The following GCDH variants were observed in gnomAD, a reference collection of about 807,000 sequenced individuals.
GCDH encodes glutaryl-CoA dehydrogenase.
In GCDH, 31 loss-of-function variants were observed where a neutral mutation model predicts 52.8. That is an observed-to-expected ratio of 0.59 (90% confidence interval 0.44 to 0.79). GCDH has a LOEUF of 0.79. Ranked by LOEUF, GCDH falls within the 30% of genes least tolerant of loss-of-function variation. The pLI is 0.00. For missense variants in GCDH, 509 were observed against 595.0 expected (o/e 0.86, Z 1.50); for synonymous variants, 242 against 250.0 (o/e 0.97, Z 0.30).
rs1970686197 is a variant in GCDH at position 12,896,553 on chromosome 19, A to G, written c.852+132A>G. 1.3e-6 allele frequency: 1 copy of G among 783,268 alleles called. No individual in the cohort carries two copies. The highest frequency in any genetic ancestry group is 2.7e-5 in the East Asian group (1 of 37,364). 48.5% of individuals were successfully genotyped at this position (783,268 alleles called of 1,614,324 possible). ...ACAGTGGTGATTCTTACTCAGCCGGACTCGCTGACGTGCTGAAAACTGCCC... is the reference window on the plus strand; with the variant it reads ...ACAGTGGTGATTCTTACTCAGCCGGGCTCGCTGACGTGCTGAAAACTGCCC... On this transcript the variant is annotated intron_variant, in intron 8 of 11. Coordinates refer to ENST00000222214, the MANE Select transcript of GCDH (RefSeq NM_000159.4). The surrounding 1 kb of genome is among the most constrained non-coding windows in gnomAD (Gnocchi z 5.5).
chr19:12,897,948 T>A, intron 11 of GCDH, 85 bp downstream of exon 11: 1 of 1,144,566 alleles, frequency 8.7e-7, no homozygotes, highest in Non-Finnish European at 1.3e-6. Flanking sequence ...CAGGTCTGAG[T>A]CCAACTCCAC....
At chr19:12,898,175 C>T (rs1173547787) in intron 11 of GCDH, 11 of 423,260 alleles carry the variant, frequency 2.6e-5, no homozygotes, top group South Asian at 6.4e-5. Flanking sequence ...GGGTGAGGCC[C>T]GACTCCTAGC....
At position 12,891,200 on chromosome 19, in the gene GCDH, C is replaced by G. The variant is rs984889421; in HGVS notation, c.-37C>G. The G allele has an allele frequency of 1.2e-5, 10 of 838,998 alleles. No individual in the cohort carries two copies. Among genetic ancestry groups the G allele is most frequent in the Non-Finnish European group, 2.0e-5 (10 of 508,942 alleles). The allele number at this position is 838,998 out of a possible 1,614,324, so 52.0% of individuals were successfully genotyped here. A position where few individuals can be genotyped will look rare whatever the true frequency, so the allele number is the denominator to read the frequency against. On this transcript the variant is annotated splice_region_variant and 5_prime_UTR_variant, in exon 1 of 12. Coordinates refer to ENST00000222214, the MANE Select transcript of GCDH (RefSeq NM_000159.4). ...TCGGCAGTGAACCGGGAGGTACTAC[C>G]AGGTAAGGAAGGTGCGGTAGCCCCA...
intron 9 of GCDH, 110 bp downstream of exon 9, chr19:12,897,123 C>A: frequency 8.4e-7 from 1 of 1,193,714 alleles, no homozygotes; most frequent in Non-Finnish European, 1.2e-6. Flanking sequence ...GAGTTCCTTG[C>A]TCTGGAATGA....
chr19:12,899,208 CT>C (rs1970771639), intron 11 of GCDH: 6 of 805,836 alleles, frequency 7.4e-6, no homozygotes, highest in Non-Finnish European at 1.2e-5. Flanking sequence ...GCACAAGGAG[CT>C]TTGGGTTTTT....
intron 5 of GCDH, among the ~76,000 whole-genome samples, chr19:12,892,961 C>G (rs1970594380): frequency 1.3e-5 from 2 of 151,300 alleles, no homozygotes; most frequent in South Asian, 4.2e-4. Flanking sequence ...TCCTGGCTCA[C>G]TGCAGTTTCC....
At position 12,896,496 on chromosome 19, in the gene GCDH, G is replaced by A; in HGVS notation, c.852+75G>A. ...GCTTTGTCAGGCAGGCTCCGTGCTG[G>A]GGACGCGGCTCCCTGTGCCTGTGGA... On this transcript the variant is annotated intron_variant, in intron 8 of 11. Transcript: ENST00000222214. This position sits in a 1 kb window ranked among gnomAD's most constrained non-coding sequence, Gnocchi z 5.5. The A allele has an allele frequency of 9.0e-7, 1 of 1,113,734 alleles. No individual in the cohort carries two copies. Among genetic ancestry groups the A allele is most frequent in the Middle Eastern group, 2.8e-4 (1 of 3,572 alleles). The allele number at this position is 1,113,734 out of a possible 1,614,324, so 69.0% of individuals were successfully genotyped here. A position where few individuals can be genotyped will look rare whatever the true frequency, so the allele number is the denominator to read the frequency against.
Position 12,891,835 on chromosome 19 carries a change from G to C in GCDH, c.132G>C (p.Ser44=). Reference sequence around the variant, plus strand: ...GAGGCGAATTCCCCTTCCCAGCCTCGCGTCCCGAGTTTGACTGGCAGGACC... The same window carrying C: ...GAGGCGAATTCCCCTTCCCAGCCTCCCGTCCCGAGTTTGACTGGCAGGACC... The part of the protein sequence containing the change: ...GRTQSQLAKS[S]RPEFDWQDPL... The change falls in exon 4 of 12, where the codon TCG becomes TCC. Residue 44 remains serine, a synonymous_variant. Transcript: ENST00000222214. 6.2e-7 allele frequency: 1 copy of C among 1,613,962 alleles called. No individual in the cohort carries two copies. The highest frequency in any genetic ancestry group is 1.1e-5 in the South Asian group (1 of 91,068).
chr19:12,891,761 C>G (rs754542775), intron 3 of GCDH, 70 bp from the exon 4 acceptor site: 18 of 1,609,978 alleles, frequency 1.1e-5, no homozygotes, highest in Non-Finnish European at 1.4e-5. Context: ...GGGGGTAGGG[C>G]TGATGAGGGT....
intron 3 of GCDH, 94 bp downstream of exon 3, chr19:12,891,616 G>T (rs749991534): frequency 1.9e-6 from 3 of 1,611,792 alleles, no homozygotes; most frequent in South Asian, 1.1e-5. Context: ...AGAGCTGCCC[G>T]AGCGGGGTGG....
At chr19:12,894,870 G>T in intron 6 of GCDH, 2 of 408,922 alleles carry the variant, frequency 4.9e-6, no homozygotes, top group South Asian at 4.2e-5. Flanking sequence ...TCTGAATCCA[G>T]TCAGAAATAA....
chr19:12,892,299 C>G, intron 5 of GCDH, 121 bp downstream of exon 5: 1 of 926,124 alleles, frequency 1.1e-6, no homozygotes, highest in Non-Finnish European at 1.7e-6. Flanking sequence ...TCTTTCCTTT[C>G]TTCTTCCCCC....
At chr19:12,895,161 C>T (rs1416549814) in intron 6 of GCDH, among the ~76,000 whole-genome samples, 1 of 152,204 alleles carries the variant, frequency 6.6e-6, no homozygotes, top group Non-Finnish European at 1.5e-5. Flanking sequence ...GTCCCCCTCC[C>T]CATCTTGGCA....
Position 12,897,003 on chromosome 19 carries a change from G to A in GCDH, c.946G>A (p.Ala316Thr), listed in dbSNP as rs370059118. 221 of 1,610,846 alleles carry A rather than the reference G, an allele frequency of 1.4e-4. No homozygotes were observed. Among genetic ancestry groups the A allele is most frequent in the Non-Finnish European group, 1.7e-4 (204 of 1,178,664 alleles). ...CTGCTTGCACACAGCCCGGCAGTAC[G>A]CCCTCGACAGGTGTGTGAGGGCTGC... ...EFCLHTARQY[A>T]LDRMQFGVPL... The change falls in exon 9 of 12, where the codon GCC (alanine) becomes ACC (threonine). Residue 316 changes from alanine to threonine, a missense_variant. Ala to Thr is a moderately conservative substitution (Grantham distance 58). Transcript: ENST00000222214.
rs929794726 is a variant in GCDH at position 12,899,727 on chromosome 19, G to A, written c.*186G>A. On this transcript the variant is annotated 3_prime_UTR_variant, in exon 12 of 12. Coordinates refer to ENST00000222214, the MANE Select transcript of GCDH (RefSeq NM_000159.4). The stretch of plus-strand genomic sequence containing the variant: ...GTTCAGATGTGTTCCTTAAAAAGAA[G>A]ATGGAATTCTCTGTAGAGCGTCTCA... 19 of 1,612,138 alleles carry A rather than the reference G, an allele frequency of 1.2e-5. No homozygotes were observed. The highest frequency in any genetic ancestry group is 1.5e-5 in the Non-Finnish European group (18 of 1,179,242).
chr19:12,895,953 G>A (rs998487532), intron 6 of GCDH, 39 bp from the exon 7 acceptor site: 3 of 1,612,752 alleles, frequency 1.9e-6, no homozygotes, highest in African/African-American at 1.3e-5. Context: ...GGATGTATCA[G>A]GGACCAGGCA....
rs1275434609 is a variant in GCDH at position 12,892,067 on chromosome 19, TC to T, written c.272-47del. On this transcript the variant is annotated intron_variant, in intron 4 of 11. Coordinates refer to ENST00000222214, the MANE Select transcript of GCDH (RefSeq NM_000159.4). ...CCCCTCTGTCCTTGGGGCTGGGGCT[TC>T]CTGTGGCCTAGGCCTGGGCCTGAAT... 2.5e-6 allele frequency: 4 copies of T among 1,613,174 alleles called. No individual in the cohort carries two copies. In the East Asian group the frequency reaches 8.9e-5, roughly 36 times the overall value.
At chr19:12,894,759 A>G in intron 6 of GCDH, 1 of 829,514 alleles carries the variant, frequency 1.2e-6, no homozygotes, top group Non-Finnish European at 1.9e-6. Flanking sequence ...GCTGCAGAAT[A>G]TGCTAAACTT....
At chr19:12,893,718 G>A in intron 6 of GCDH, 65 bp downstream of exon 6, 1 of 1,433,328 alleles carries the variant, frequency 7.0e-7, no homozygotes, top group South Asian at 1.1e-5. Flanking sequence ...ACTCAAGGGT[G>A]GGGCTGTCCC....
Sources: gnomAD v4.1 joint callset for allele counts (sites outside exome capture counted in the v4.1 genomes callset) on GRCh38, gnomAD v4.1.1 for gene constraint, Gnocchi (gnomAD v3.1) non-coding constraint, MANE v1.5 for transcripts, NCBI Gene and HGNC (gene_info 2026-07-23, HGNC 2026-07-21) for gene names.